The following PIWIL1 variants were observed in gnomAD, a reference collection of about 807,000 sequenced individuals.
The protein encoded by PIWIL1 is piwi like RNA-mediated gene silencing 1.
In PIWIL1, 73 loss-of-function variants were observed where a neutral mutation model predicts 114.4. That is an observed-to-expected ratio of 0.64 (90% confidence interval 0.53 to 0.78). PIWIL1 has a LOEUF of 0.78. PIWIL1 is among the 30% of genes least tolerant of loss of function. The pLI, the probability that PIWIL1 is intolerant of heterozygous loss-of-function variation, is 0.00. For synonymous variants in PIWIL1, 375 were observed against 369.0 expected, an observed-to-expected ratio of 1.02 and a Z score of -0.19; for missense variants, 723 against 1,063.1, an observed-to-expected ratio of 0.68 and a Z score of 4.45.
chr12:130,396,458 A>G, the PIWIL1 span: 2 of 152,654 alleles, frequency 1.3e-5, no homozygotes, highest in Non-Finnish European at 2.9e-5. Flanking sequence ...TCTTTTGTTC[A>G]AATGCCAATG....
At chr12:130,385,900 A>C in the PIWIL1 span, among the ~76,000 whole-genome samples, 64,736 of 152,076 alleles carry the variant, frequency 0.43, 15,824 homozygotes, top group Non-Finnish European at 0.55. Flanking sequence ...CAGGTGACTG[A>C]AATGATATTT....
chr12:130,376,236 CAG>C (rs1436045248), downstream of PIWIL1, among the ~76,000 whole-genome samples: 3 of 152,152 alleles, frequency 2.0e-5, no homozygotes, highest in South Asian at 4.1e-4. Context: ...ACTGAGGACA[CAG>C]AGATTTTGTT....
chr12:130,352,697 A>G (rs1318203972), intron 9 of PIWIL1, among the ~76,000 whole-genome samples: 1 of 152,218 alleles, frequency 6.6e-6, no homozygotes, highest in Admixed American at 6.5e-5. Context: ...TGAATGAATG[A>G]CAGGCTGTTT....
At chr12:130,396,875 G>GT in the PIWIL1 span, 1 of 152,586 alleles carries the variant, frequency 6.6e-6, no homozygotes, top group African/African-American at 2.4e-5. Flanking sequence ...AGTATACACT[G>GT]TTTTTATTAG....
downstream of PIWIL1, among the ~76,000 whole-genome samples, chr12:130,376,102 G>C (rs150114895): frequency 1.3e-5 from 2 of 151,996 alleles, no homozygotes; most frequent in South Asian, 4.1e-4. Context: ...ACATCTCCAG[G>C]CCCAGTTTCC....
the PIWIL1 span, among the ~76,000 whole-genome samples, chr12:130,402,375 T>G: frequency 6.6e-6 from 1 of 152,246 alleles, no homozygotes; most frequent in Admixed American, 6.5e-5. Context: ...TCTGTCCCTC[T>G]GACTGGCAGT....
intron 7 of PIWIL1, among the ~76,000 whole-genome samples, chr12:130,348,508 C>T (rs1364139708): frequency 2.0e-5 from 3 of 152,048 alleles, no homozygotes; most frequent in African/African-American, 4.8e-5. Flanking sequence ...TATTGTGCTC[C>T]GTGCCTCAGT....
chr12:130,379,105 T>C, the PIWIL1 span, among the ~76,000 whole-genome samples: 1 of 152,236 alleles, frequency 6.6e-6, no homozygotes, highest in African/African-American at 2.4e-5. Flanking sequence ...TACTAAATAA[T>C]ATTTGGAATA....
intron 18 of PIWIL1, among the ~76,000 whole-genome samples, chr12:130,364,847 C>A (rs2073611047): frequency 6.6e-6 from 1 of 152,126 alleles, no homozygotes; most frequent in Admixed American, 6.5e-5. Flanking sequence ...ATTGTCATTT[C>A]CTCATACCTG....
downstream of PIWIL1, among the ~76,000 whole-genome samples, chr12:130,374,256 C>G (rs2073849365): frequency 6.6e-6 from 1 of 152,194 alleles, no homozygotes; most frequent in South Asian, 2.1e-4. Context: ...GCTCTCTCCT[C>G]AGAGTCAAAT....
At chr12:130,341,216 CT>C in intron 1 of PIWIL1, among the ~76,000 whole-genome samples, 1 of 152,368 alleles carries the variant, frequency 6.6e-6, no homozygotes, top group Admixed American at 6.5e-5. Flanking sequence ...AAATCCTCCA[CT>C]CCCCTTGCCC....
the PIWIL1 span, chr12:130,422,582 A>C: frequency 8.6e-6 from 13 of 1,514,856 alleles, no homozygotes; most frequent in Non-Finnish European, 1.0e-5. The surrounding 1 kb of genome is among the most constrained non-coding windows in gnomAD (Gnocchi z 5.2). Context: ...AACAACAACA[A>C]AGTCGTAAGT....
At chr12:130,351,289 C>T (rs2073202533) in intron 9 of PIWIL1, 1 of 152,234 alleles carries the variant, frequency 6.6e-6, no homozygotes, top group Non-Finnish European at 1.5e-5. Flanking sequence ...AGCTCATCCT[C>T]CTGTAAGTGG....
chr12:130,379,049 A>G, the PIWIL1 span, among the ~76,000 whole-genome samples: 1 of 152,216 alleles, frequency 6.6e-6, no homozygotes, highest in Non-Finnish European at 1.5e-5. Context: ...GTAATTGTCA[A>G]AAAAGGCTGC....
chr12:130,398,140 T>C, the PIWIL1 span: 1 of 152,506 alleles, frequency 6.6e-6, no homozygotes, highest in Admixed American at 6.5e-5. Context: ...TGAACATGAA[T>C]CTTCCTCAGT....
Position 130,362,792 on chromosome 12 carries a change from A to G in PIWIL1, c.1997A>G (p.Asp666Gly), listed in dbSNP as rs903312952. ...TGGTTCTCACGCTGCATATTTCAGG[A>G]TAGAGGACAGGAGCTGGTAGATGGG... The part of the protein sequence containing the change: ...TRWFSRCIFQ[D>G]RGQELVDGLK... The change falls in exon 17 of 21, where the codon GAT (aspartate) becomes GGT (glycine). Residue 666 changes from aspartate to glycine, a missense_variant. Physicochemically the swap from Asp to Gly is moderately conservative, Grantham distance 94. This residue lies in a region of PIWIL1 where 2 missense variants were observed against 16.2 expected (regional missense o/e 0.12). Transcript: ENST00000245255. 7.4e-6 allele frequency: 12 copies of G among 1,614,032 alleles called. No individual in the cohort carries two copies. In the Admixed American group the frequency reaches 1.7e-4, roughly 22 times the overall value.
the PIWIL1 span, among the ~76,000 whole-genome samples, chr12:130,405,673 G>A: frequency 6.6e-6 from 1 of 151,938 alleles, no homozygotes; most frequent in African/African-American, 2.4e-5. Flanking sequence ...CAGCAGCAAG[G>A]GGTGGGGGCG....
At chr12:130,416,306 A>G in the PIWIL1 span, among the ~76,000 whole-genome samples, 6 of 152,246 alleles carry the variant, frequency 3.9e-5, no homozygotes, top group Non-Finnish European at 8.8e-5. Context: ...GAGGCATCAC[A>G]TTACCTGACT....
At chr12:130,390,947 G>C in the PIWIL1 span, among the ~76,000 whole-genome samples, 9 of 152,286 alleles carry the variant, frequency 5.9e-5, no homozygotes, top group East Asian at 1.5e-3. Context: ...CTGCTTTGAA[G>C]CCTCCTGCCT....
Sources: allele counts gnomAD v4.1 joint callset (sites outside exome capture counted in the v4.1 genomes callset), GRCh38; gene constraint gnomAD v4.1.1; regional missense constraint gnomAD v4.1.1; non-coding constraint Gnocchi (gnomAD v3.1); transcripts MANE v1.5; gene names NCBI Gene and HGNC (gene_info 2026-07-23, HGNC 2026-07-21).